ARMC9: variants seen among roughly 807,000 people sequenced by gnomAD.
ARMC9 encodes the protein armadillo repeat containing 9.
In ARMC9, 94 loss-of-function variants were observed where a neutral mutation model predicts 107.0. The ratio of observed to expected loss-of-function variants is 0.88; its 90% CI spans 0.74 to 1.04. The LOEUF (loss-of-function observed/expected upper bound fraction) is 1.04, where lower values mean the gene tolerates loss of function less well. Ranked by LOEUF, ARMC9 falls within the 50% of genes least tolerant of loss-of-function variation. The probability of loss-of-function intolerance (pLI) is 0.00; values close to 1 mark genes in which losing one functional copy is unlikely to be tolerated. For missense variants in ARMC9, 942 were observed against 1,030.1 expected, an observed-to-expected ratio of 0.91 and a Z score of 1.17; for synonymous variants, 380 against 396.9, an observed-to-expected ratio of 0.96 and a Z score of 0.51.
At chr2:231,279,584 C>T (rs1319849278) in intron 16 of ARMC9, among the ~76,000 whole-genome samples, 2 of 146,044 alleles carry the variant, frequency 1.4e-5, no homozygotes, top group African/African-American at 5.1e-5. Context: ...GATCTTGGCT[C>T]ACTGCAACCT....
intron 19 of ARMC9, among the ~76,000 whole-genome samples, chr2:231,307,741 G>A (rs2042113389): frequency 6.6e-6 from 1 of 152,222 alleles, no homozygotes; most frequent in South Asian, 2.1e-4. Flanking sequence ...TTCCAGAGCA[G>A]GGACAGTTGA....
chr2:231,320,976 G>A (rs1245884109), intron 19 of ARMC9, among the ~76,000 whole-genome samples: 1 of 152,138 alleles, frequency 6.6e-6, no homozygotes, highest in Non-Finnish European at 1.5e-5. Flanking sequence ...ACCAAGAAAG[G>A]GTTCAGAAGC....
At chr2:231,335,891 T>C (rs1300436431) in intron 20 of ARMC9, among the ~76,000 whole-genome samples, 2 of 151,980 alleles carry the variant, frequency 1.3e-5, no homozygotes, top group Non-Finnish European at 2.9e-5. Context: ...GCCTGGGCAA[T>C]GTAGGGAAAC....
In ARMC9 at chr2:231,360,917, T is replaced by C. The variant is rs1359854860; in HGVS notation, c.2261+34T>C. The C allele has an allele frequency of 1.4e-6, 2 of 1,480,664 alleles. No homozygotes were observed. The highest frequency in any genetic ancestry group is 2.8e-5 in the African/African-American group (2 of 71,354). 91.7% of individuals were successfully genotyped at this position (1,480,664 alleles called of 1,614,324 possible). A position where few individuals can be genotyped will look rare whatever the true frequency, so the allele number is the denominator to read the frequency against. The stretch of plus-strand genomic sequence containing the variant: ...GATATCACAAGGCCTCGAACCTGAC[T>C]CTCGGAGCTCTGGGAGTGGGCGCCC... On this transcript the variant is annotated intron_variant, in intron 23 of 24. Coordinates refer to ENST00000611582, the MANE Select transcript of ARMC9 (RefSeq NM_001352754.2). The surrounding 1 kb of genome is among the most constrained non-coding windows in gnomAD (Gnocchi z 4.7).
chr2:231,216,279 A>G (rs1003425850), intron 4 of ARMC9, among the ~76,000 whole-genome samples: 2 of 152,254 alleles, frequency 1.3e-5, no homozygotes, highest in Admixed American at 1.3e-4. Context: ...AAGTAGAAGC[A>G]ATGTGTCTAG....
At chr2:231,228,930 A>G (rs185364594) in intron 7 of ARMC9, among the ~76,000 whole-genome samples, 33 of 152,246 alleles carry the variant, frequency 2.2e-4, no homozygotes, top group Non-Finnish European at 1.2e-4. Flanking sequence ...TGGGAGCATT[A>G]TGTAAATCTG....
intron 21 of ARMC9, among the ~76,000 whole-genome samples, chr2:231,347,456 C>G (rs1433761275): frequency 1.3e-5 from 2 of 152,042 alleles, no homozygotes; most frequent in African/African-American, 4.8e-5. Context: ...CCCAGCTACA[C>G]TGGGTACTCC....
At chr2:231,328,809 CTTTTCTTTTCT>C (rs1333833717) in intron 19 of ARMC9, among the ~76,000 whole-genome samples, 3 of 127,144 alleles carry the variant, frequency 2.4e-5, no homozygotes, top group African/African-American at 8.9e-5. Flanking sequence ...ATTTTCTTTT[CTTTTCTTTTCT>C]TTTTTTTTTT....
chr2:231,220,867 A>C (rs2034053439), intron 5 of ARMC9, among the ~76,000 whole-genome samples: 1 of 152,256 alleles, frequency 6.6e-6, no homozygotes, highest in African/African-American at 2.4e-5. Context: ...TGTTGGTAAT[A>C]CAAAATAGTA....
chr2:231,198,740 C>G (rs914073869), intron 1 of ARMC9, 42 bp downstream of exon 1: 4 of 152,334 alleles, frequency 2.6e-5, no homozygotes, highest in Non-Finnish European at 5.9e-5. Flanking sequence ...CCTCCGCCCG[C>G]CGTCCTGGTG....
intron 17 of ARMC9, among the ~76,000 whole-genome samples, chr2:231,288,874 A>G (rs1013584272): frequency 5.9e-5 from 9 of 152,332 alleles, no homozygotes; most frequent in South Asian, 4.1e-4. Context: ...TTTCTTTAAC[A>G]CTATATATAC....
chr2:231,357,238 G>T (rs1393899543), intron 22 of ARMC9, among the ~76,000 whole-genome samples: 1 of 152,242 alleles, frequency 6.6e-6, no homozygotes, highest in Non-Finnish European at 1.5e-5. Context: ...CTCAGCCTTG[G>T]TGGTCACGGG....
chr2:231,349,486 A>C (rs1269373549), intron 21 of ARMC9, among the ~76,000 whole-genome samples: 1 of 152,094 alleles, frequency 6.6e-6, no homozygotes, highest in African/African-American at 2.4e-5. Flanking sequence ...TGCCAAAAAA[A>C]CACATAAAGA....
intron 20 of ARMC9, among the ~76,000 whole-genome samples, chr2:231,337,194 T>C (rs2044153186): frequency 6.6e-6 from 1 of 151,332 alleles, no homozygotes; most frequent in Admixed American, 6.6e-5. Context: ...CCTGTGTGAC[T>C]GTAATGGTTG....
chr2:231,306,733 C>G (rs1339917790), intron 19 of ARMC9, among the ~76,000 whole-genome samples: 1 of 151,312 alleles, frequency 6.6e-6, no homozygotes, highest in Admixed American at 6.6e-5. Context: ...CAAGTGAGGC[C>G]TAAGAACTCA....
chr2:231,270,175 T>G (rs1306126745), intron 12 of ARMC9, among the ~76,000 whole-genome samples: 10 of 152,144 alleles, frequency 6.6e-5, no homozygotes, highest in Non-Finnish European at 1.5e-4. Flanking sequence ...GAGCCAAGTT[T>G]TGGGGTGGCC....
intron 6 of ARMC9, among the ~76,000 whole-genome samples, 175 bp downstream of exon 6, chr2:231,222,995 T>C (rs1559310484): frequency 6.6e-6 from 1 of 152,200 alleles, no homozygotes; most frequent in Non-Finnish European, 1.5e-5. Flanking sequence ...AGAGATCAAC[T>C]TCTATATCAT....
intron 19 of ARMC9, among the ~76,000 whole-genome samples, chr2:231,323,076 C>A (rs1276740421): frequency 6.6e-6 from 1 of 152,114 alleles, no homozygotes; most frequent in African/African-American, 2.4e-5. Context: ...GTAATCCCAG[C>A]ACTTCAGGAG....
rs530661785 is a variant in ARMC9, at chr2:231,270,700, G to A, written c.1120-282G>A. On this transcript the variant is annotated intron_variant, in intron 12 of 24. Coordinates refer to ENST00000611582, the MANE Select transcript of ARMC9 (RefSeq NM_001352754.2). ...TTCTAACCTGGAAAACAGCCGCAAC[G>A]GTAACAGCAAACAGGACTGCTTCCC... is the stretch of plus-strand genomic sequence containing the variant. The A allele has an allele frequency of 1.2e-4, 67 of 576,050 alleles. 2 individuals are homozygous for A. The highest frequency in any genetic ancestry group is 7.5e-4 in the South Asian group (49 of 65,524). 35.7% of individuals were successfully genotyped at this position (576,050 alleles called of 1,614,324 possible). A position where few individuals can be genotyped will look rare whatever the true frequency, so the allele number is the denominator to read the frequency against.
Sources: gnomAD v4.1 joint callset for allele counts (sites outside exome capture counted in the v4.1 genomes callset) on GRCh38, gnomAD v4.1.1 for gene constraint, Gnocchi (gnomAD v3.1) non-coding constraint, MANE v1.5 for transcripts, NCBI Gene and HGNC (gene_info 2026-07-23, HGNC 2026-07-21) for gene names.